Variants in HK1 observed in about 807,000 individuals in gnomAD.
The protein encoded by HK1 is hexokinase-1.
HK1 carries 28 observed loss-of-function variants against 91.6 expected under a neutral mutation model. That is an observed-to-expected ratio of 0.31 (90% CI 0.23 to 0.42). HK1 has a LOEUF of 0.42. Among genes scored for constraint, HK1 ranks in the 10% least tolerant of loss-of-function variants. The pLI, the probability that HK1 is intolerant of heterozygous loss-of-function variation, is 1.00. For missense variants in HK1, 770 were observed against 1,219.8 expected (o/e 0.63, Z 5.49); for synonymous variants, 430 against 468.1 (o/e 0.92, Z 1.05).
Position 69,401,370 on chromosome 10 carries a change from A to G in HK1, c.*235A>G. On this transcript the variant is annotated 3_prime_UTR_variant, in exon 18 of 18. Coordinates refer to ENST00000359426, the MANE Select transcript of HK1 (RefSeq NM_000188.3). ...TTGCCCTGCCACTTTGCATGGTTTG[A>G]TTTTGACCTGGTCCCCCACGTGTGA... The G allele has an allele frequency of 1.7e-6, 1 of 597,966 alleles. No homozygotes were observed. Among genetic ancestry groups the G allele is most frequent in the South Asian group, 2.0e-5 (1 of 51,150 alleles). 37.0% of individuals were successfully genotyped at this position (597,966 alleles called of 1,614,324 possible). A position where few individuals can be genotyped will look rare whatever the true frequency, so the allele number is the denominator to read the frequency against.
At chr10:69,373,479 C>T (rs72807734) in intron 7 of HK1, among the ~76,000 whole-genome samples, 12,804 of 152,186 alleles carry the variant, frequency 0.084, 705 homozygotes, top group African/African-American at 0.15. Context: ...CCTTGTCTCG[C>T]CCTTATATTC....
chr10:69,352,391 A>G (rs892956496), intron 2 of HK1, among the ~76,000 whole-genome samples: 1 of 152,234 alleles, frequency 6.6e-6, no homozygotes, highest in Admixed American at 6.5e-5. Context: ...GAACAATGCC[A>G]CAAAGTCGGG....
rs375648348 is a variant in HK1, at chr10:69,380,124, C to T, written c.1265+29C>T. On this transcript the variant is annotated intron_variant, in intron 9 of 17. Coordinates refer to ENST00000359426, the MANE Select transcript of HK1 (RefSeq NM_000188.3). The surrounding 1 kb of genome is among the most constrained non-coding windows in gnomAD (Gnocchi z 4.0). ...AGTCTGCCCTTTGCTATCATTGGCA[C>T]TCTGTACCCATTGTGGGTAGGGACC... 2.6e-6 allele frequency: 4 copies of T among 1,556,720 alleles called. No individual in the cohort carries two copies. The highest frequency in any genetic ancestry group is 1.7e-5 in the Admixed American group (1 of 59,920).
Position 69,382,474 on chromosome 10 carries a change from C to T in HK1, c.1266-13C>T, listed in dbSNP as rs114482373. On this transcript the variant is annotated splice_polypyrimidine_tract_variant and intron_variant, in intron 9 of 17. Transcript: ENST00000359426. ...GTCCAGCTGTTGTGGAATGTCCCCCCTGCCCCCATAAGGTATTCCCGGCGT... is the reference window on the plus strand; with the variant it reads ...GTCCAGCTGTTGTGGAATGTCCCCCTTGCCCCCATAAGGTATTCCCGGCGT... 2.2e-3 allele frequency: 3,616 copies of T among 1,614,068 alleles called. 82 individuals carry two copies. The African/African-American group carries it at 0.042, about 19-fold the overall frequency.
rs370474822 is a variant in HK1, at chr10:69,386,464, G to T, written c.1935+46G>T. The T allele has an allele frequency of 1.0e-5, 15 of 1,468,536 alleles. No homozygotes were observed. The African/African-American group carries it at 1.3e-4, about 12-fold the overall frequency. The allele number at this position is 1,468,536 out of a possible 1,614,324, so 91.0% of individuals were successfully genotyped here. A position where few individuals can be genotyped will look rare whatever the true frequency, so the allele number is the denominator to read the frequency against. ...TTTTAAAATCTTTACTGTTTTAGGG[G>T]CTTCTAAAAAGTGTATTTGCCTGTT... is the stretch of plus-strand genomic sequence containing the variant. On this transcript the variant is annotated intron_variant, in intron 13 of 17. Transcript: ENST00000359426.
At chr10:69,362,496 T>G (rs903286582) in intron 3 of HK1, among the ~76,000 whole-genome samples, 1 of 152,090 alleles carries the variant, frequency 6.6e-6, no homozygotes, top group African/African-American at 2.4e-5. Context: ...TGACTTTTTT[T>G]CCTGGTTGAT....
intron 2 of HK1, among the ~76,000 whole-genome samples, chr10:69,357,172 C>A (rs1027764034): frequency 3.9e-5 from 6 of 152,136 alleles, no homozygotes; most frequent in Non-Finnish European, 8.8e-5. Context: ...TATTTGACAG[C>A]GATTCTTGTC....
Position 69,343,909 on chromosome 10 carries a change from A to G in HK1, c.146A>G (p.Asn49Ser). Residue 49 changes from asparagine to serine, a missense_variant, in exon 2 of 18, where the codon AAT becomes AGT. By Grantham distance (46) the Asn-to-Ser change is conservative (BLOSUM62 1). This residue lies in a region of HK1 where 449 missense variants were observed against 665.1 expected (regional missense o/e 0.68). Coordinates refer to ENST00000359426, the MANE Select transcript of HK1 (RefSeq NM_000188.3). Reference sequence around the variant, plus strand: ...ACTCGCTTCAGGAAGGAGATGAAGAATGGCCTCTCCCGGGATTTTAATCCA... The same window carrying G: ...ACTCGCTTCAGGAAGGAGATGAAGAGTGGCCTCTCCCGGGATTTTAATCCA... ...IMTRFRKEMK[N>S]GLSRDFNPTA... 6.2e-7 allele frequency: 1 copy of G among 1,613,880 alleles called. No individual in the cohort carries two copies.
intron 4 of HK1, among the ~76,000 whole-genome samples, chr10:69,366,463 G>A (rs949629048): frequency 1.3e-5 from 2 of 152,106 alleles, no homozygotes; most frequent in African/African-American, 4.8e-5. Context: ...CAGCAAGAAG[G>A]GGCTTGAGAG....
chr10:69,313,307 G>A (rs145057246), upstream of HK1, among the ~76,000 whole-genome samples: 2 of 152,138 alleles, frequency 1.3e-5, no homozygotes, highest in Non-Finnish European at 2.9e-5. Flanking sequence ...CTGTCTAAAG[G>A]GGGCGGTGGC....
chr10:69,377,209 G>A (rs1458079934), intron 8 of HK1, 120 bp downstream of exon 8: 4 of 1,182,860 alleles, frequency 3.4e-6, no homozygotes, highest in Non-Finnish European at 3.7e-6. Flanking sequence ...ATGGCTTTCT[G>A]GGTCCGTGTC....
At chr10:69,390,914 G>T (rs1456051317) in intron 14 of HK1, among the ~76,000 whole-genome samples, 1 of 152,232 alleles carries the variant, frequency 6.6e-6, no homozygotes, top group South Asian at 2.1e-4. Context: ...AGTCTATTCA[G>T]TGAGGCAAGT....
intron 1 of HK1, among the ~76,000 whole-genome samples, chr10:69,272,844 T>C (rs1229317257): frequency 1.3e-5 from 2 of 151,952 alleles, no homozygotes; most frequent in African/African-American, 4.8e-5. Flanking sequence ...TTAATATCTT[T>C]CATTGTTTTT....
intron 2 of HK1, among the ~76,000 whole-genome samples, chr10:69,359,126 G>A (rs190290397): frequency 1.3e-5 from 2 of 152,200 alleles, no homozygotes; most frequent in Admixed American, 6.5e-5. Context: ...GGAATAAGCC[G>A]GTCACAAAAG....
chr10:69,277,425 A>C (rs991055790), intron 1 of HK1, among the ~76,000 whole-genome samples: 1 of 151,924 alleles, frequency 6.6e-6, no homozygotes, highest in Admixed American at 6.5e-5. Context: ...AAAATTAGCC[A>C]GGCATGGTGG....
At chr10:69,328,296 C>T (rs1847496906) in intron 1 of HK1, among the ~76,000 whole-genome samples, 1 of 152,206 alleles carries the variant, frequency 6.6e-6, no homozygotes, top group Non-Finnish European at 1.5e-5. Flanking sequence ...TCATGTTCAT[C>T]TTGAGTCTAT....
At chr10:69,347,625 G>A (rs187431468) in intron 2 of HK1, among the ~76,000 whole-genome samples, 67 of 151,880 alleles carry the variant, frequency 4.4e-4, no homozygotes, top group African/African-American at 1.5e-3. Context: ...TAGTAGAGAC[G>A]AGGTTTCACC....
At chr10:69,343,804 C>T in intron 1 of HK1, 23 bp from the exon 2 acceptor site, 1 of 1,600,946 alleles carries the variant, frequency 6.2e-7, no homozygotes, top group Middle Eastern at 1.7e-4. Flanking sequence ...ACCTCACTCT[C>T]CTTCCTTCTC....
At chr10:69,365,831 CTTTT>C (rs1021462133) in intron 4 of HK1, among the ~76,000 whole-genome samples, 21 of 152,174 alleles carry the variant, frequency 1.4e-4, no homozygotes, top group African/African-American at 5.1e-4. Context: ...GAGACCTTGT[CTTTT>C]TTTGTTTGTT....
Sources: gnomAD v4.1 joint callset for allele counts (sites outside exome capture counted in the v4.1 genomes callset) on GRCh38, gnomAD v4.1.1 for gene constraint, gnomAD v4.1.1 regional missense constraint, Gnocchi (gnomAD v3.1) non-coding constraint, MANE v1.5 for transcripts, NCBI Gene and HGNC (gene_info 2026-07-23, HGNC 2026-07-21) for gene names.